EXOC4: variants seen among roughly 807,000 people sequenced by gnomAD.
EXOC4 encodes exocyst complex component 4.
In EXOC4, 71 loss-of-function variants were observed where a neutral mutation model predicts 107.2. The ratio of observed to expected loss-of-function variants is 0.66; its 90% CI spans 0.55 to 0.81. The LOEUF (loss-of-function observed/expected upper bound fraction) is 0.81, where lower values mean the gene tolerates loss of function less well. EXOC4 is among the 30% of genes least tolerant of loss of function. The probability of loss-of-function intolerance (pLI) is 0.00; values close to 1 mark genes in which losing one functional copy is unlikely to be tolerated. For missense variants in EXOC4, 1,108 were observed against 1,189.6 expected (o/e 0.93, Z 1.01); for synonymous variants, 456 against 441.2 (o/e 1.03, Z -0.42).
chr7:133,567,323 AT>A (rs556455662), intron 9 of EXOC4, among the ~76,000 whole-genome samples: 6 of 147,206 alleles, frequency 4.1e-5, no homozygotes, highest in South Asian at 4.3e-4. Context: ...TCTGAACATC[AT>A]TTTTTTTTCA....
chr7:133,355,447 C>G (rs1246891016), intron 5 of EXOC4, among the ~76,000 whole-genome samples: 1 of 152,002 alleles, frequency 6.6e-6, no homozygotes, highest in Non-Finnish European at 1.5e-5. Context: ...CCCGGAATTC[C>G]TATGTGAAGT....
At chr7:133,638,743 T>C (rs985935551) in intron 10 of EXOC4, among the ~76,000 whole-genome samples, 3 of 152,232 alleles carry the variant, frequency 2.0e-5, no homozygotes, top group Admixed American at 6.5e-5. Context: ...AGCTTTCTTC[T>C]GTTGTAAAAG....
chr7:133,822,396 G>A (rs1029176138), intron 11 of EXOC4, among the ~76,000 whole-genome samples: 8 of 151,926 alleles, frequency 5.3e-5, no homozygotes, highest in South Asian at 2.1e-4. Context: ...AAAAGAGCGA[G>A]GGGACTAATG....
rs185851595 is a variant in EXOC4, at chr7:133,697,073, G to C, written c.1514+66932G>C. Among the ~76,000 whole-genome samples the C allele has an allele frequency of 1.4e-3, 210 of 152,268 alleles. 1 individual carries two copies. Among genetic ancestry groups the C allele is most frequent in the African/African-American group, 4.4e-3 (183 of 41,546 alleles). ...CTCTTTACTCCTACACTCCATCCCTGGTGATTCTCATACTATAGGGTAAGG... is the reference window on the plus strand; with the variant it reads ...CTCTTTACTCCTACACTCCATCCCTCGTGATTCTCATACTATAGGGTAAGG... On this transcript the variant is annotated intron_variant, in intron 10 of 17. Transcript: ENST00000253861.
In EXOC4 at chr7:134,012,919, G is replaced by C. The variant is rs564580167; in HGVS notation, c.2687+5084G>C. ...TTTTAAGAGAAGTGTGTCTTCATCT[G>C]TGTCAAATGCTGTTGATAGGTTAAA... On this transcript the variant is annotated intron_variant, in intron 17 of 17. Coordinates refer to ENST00000253861, the MANE Select transcript of EXOC4 (RefSeq NM_021807.4). 3.3e-5 allele frequency among the ~76,000 whole-genome samples: 5 copies of C among 152,320 alleles called. No individual in the cohort carries two copies. In the East Asian group the frequency reaches 9.6e-4, roughly 29 times the overall value.
downstream of EXOC4, chr7:134,066,163 G>A (rs1796173753): frequency 6.6e-6 from 1 of 152,374 alleles, no homozygotes; most frequent in South Asian, 2.1e-4. Flanking sequence ...GAAGAAGGGG[G>A]GATGAGAGGA....
chr7:133,483,033 C>G lies in EXOC4; in HGVS notation c.1417+2895C>G, dbSNP rs1799191144. 2.0e-5 allele frequency among the ~76,000 whole-genome samples: 3 copies of G among 152,340 alleles called. No individual in the cohort carries two copies. The South Asian group carries it at 6.2e-4, about 32-fold the overall frequency. On this transcript the variant is annotated intron_variant, in intron 9 of 17. Transcript: ENST00000253861. ...CTGCCACATCTTTAATGATGTTCTT[C>G]TGAGTACTTTCCATACTGCATTGTG...
intron 1 of EXOC4, among the ~76,000 whole-genome samples, chr7:133,263,060 G>A (rs1795189053): frequency 6.6e-6 from 1 of 152,180 alleles, no homozygotes. Flanking sequence ...CCATGTAAAT[G>A]TGACTTTGCT....
intron 2 of EXOC4, among the ~76,000 whole-genome samples, chr7:133,288,258 C>T (rs1794326586): frequency 6.6e-6 from 1 of 152,196 alleles, no homozygotes; most frequent in African/African-American, 2.4e-5. Flanking sequence ...TTCTTCTCCT[C>T]TCCCTTTTAT....
chr7:133,698,182 C>T (rs778576324), intron 10 of EXOC4, among the ~76,000 whole-genome samples: 2 of 151,974 alleles, frequency 1.3e-5, no homozygotes, highest in Non-Finnish European at 2.9e-5. Context: ...TACCCCTGCT[C>T]TCTGTATCAG....
In EXOC4 at chr7:133,317,361, C is replaced by A. The variant is rs771866368; in HGVS notation, c.734C>A (p.Ser245Tyr). ...LPTPRKFLDT[S>Y]HYSTAGSSSV... Reference sequence around the variant, plus strand: ...ACTCCTCGAAAATTCCTTGATACCTCTCACTATTCTACTGCTGGAAGCTCA... The same window carrying A: ...ACTCCTCGAAAATTCCTTGATACCTATCACTATTCTACTGCTGGAAGCTCA... Residue 245 changes from serine (S) to tyrosine (Y), a missense_variant, in exon 5 of 18, where the codon TCT (serine) becomes TAT (tyrosine). Transcript: ENST00000253861. The A allele has an allele frequency of 6.2e-7, 1 of 1,610,734 alleles. No individual in the cohort carries two copies. The highest frequency in any genetic ancestry group is 8.5e-7 in the Non-Finnish European group (1 of 1,176,934).
intron 10 of EXOC4, among the ~76,000 whole-genome samples, chr7:133,684,349 G>A (rs1293721923): frequency 2.0e-5 from 3 of 152,130 alleles, no homozygotes; most frequent in Non-Finnish European, 2.9e-5. Context: ...AATATTATGT[G>A]TAAACTTGAT....
At chr7:133,630,162 T>C (rs767395448) in intron 10 of EXOC4, 21 bp downstream of exon 10, 22 of 1,536,318 alleles carry the variant, frequency 1.4e-5, no homozygotes, top group Non-Finnish European at 2.0e-5. Flanking sequence ...TGCTATGATA[T>C]ACTTACTGAA....
At chr7:134,030,648 A>G (rs1795247193) in intron 17 of EXOC4, among the ~76,000 whole-genome samples, 1 of 151,992 alleles carries the variant, frequency 6.6e-6, no homozygotes. Context: ...TTTGTGGGTA[A>G]TAAACCTTGT....
At chr7:133,969,156 C>G (rs1304919797) in intron 14 of EXOC4, among the ~76,000 whole-genome samples, 1 of 152,104 alleles carries the variant, frequency 6.6e-6, no homozygotes, top group East Asian at 1.9e-4. Context: ...GTGTATTATT[C>G]ACGAAGCTGT....
At chr7:133,333,702 CAT>C (rs753377991) in intron 5 of EXOC4, among the ~76,000 whole-genome samples, 29 of 152,028 alleles carry the variant, frequency 1.9e-4, no homozygotes, top group Non-Finnish European at 3.1e-4. Context: ...TATTTCTAAC[CAT>C]GTGTATATAT....
At chr7:133,551,138 C>G (rs1013705645) in intron 9 of EXOC4, among the ~76,000 whole-genome samples, 9 of 152,110 alleles carry the variant, frequency 5.9e-5, no homozygotes, top group Admixed American at 6.6e-5. Context: ...TTCTCCTCCT[C>G]TAGTTGAACC....
intron 7 of EXOC4, among the ~76,000 whole-genome samples, chr7:133,400,937 C>T (rs951946685): frequency 6.6e-6 from 1 of 152,170 alleles, no homozygotes; most frequent in East Asian, 1.9e-4. Context: ...TATGAGACCT[C>T]AGAGTGGGGG....
intron 10 of EXOC4, among the ~76,000 whole-genome samples, chr7:133,766,598 G>A (rs955917472): frequency 4.6e-5 from 7 of 151,924 alleles, no homozygotes; most frequent in African/African-American, 1.7e-4. Context: ...ACCACCAGCT[G>A]ATGCTGCACA....
Sources: gnomAD v4.1 joint callset for allele counts (sites outside exome capture counted in the v4.1 genomes callset) on GRCh38, gnomAD v4.1.1 for gene constraint, MANE v1.5 for transcripts, NCBI Gene and HGNC (gene_info 2026-07-23, HGNC 2026-07-21) for gene names.